Variants in CDKAL1 observed in about 807,000 individuals in gnomAD.
The protein encoded by CDKAL1 is threonylcarbamoyladenosine tRNA methylthiotransferase.
Under a neutral mutation model 68.2 loss-of-function variants are expected in CDKAL1, and 32 were observed. The observed-to-expected ratio is 0.47, with a 90% CI of 0.35 to 0.63. The LOEUF is 0.63. CDKAL1 is among the 30% of genes least tolerant of loss of function. The pLI is 0.00. For synonymous variants in CDKAL1, 234 were observed against 244.3 expected (o/e 0.96, Z 0.39); for missense variants, 606 against 696.7 (o/e 0.87, Z 1.47).
In CDKAL1 at chr6:21,097,390, C is replaced by T. The variant is rs187072732; in HGVS notation, c.1237-11011C>T. ...GAGGCTGACAGGAGAATTGCTTGAA[C>T]CTGGGAGGCAGAGGTTGCAGTGAGC... On this transcript the variant is annotated intron_variant, in intron 12 of 15. Transcript: ENST00000274695. Among the ~76,000 whole-genome samples, 264 of 152,226 alleles carry T rather than the reference C, an allele frequency of 1.7e-3. 1 individual carries two copies. The highest frequency in any genetic ancestry group is 0.017 in the Middle Eastern group (5 of 294).
intron 13 of CDKAL1, among the ~76,000 whole-genome samples, chr6:21,165,514 C>G (rs1373286788): frequency 6.6e-6 from 1 of 152,144 alleles, no homozygotes; most frequent in Non-Finnish European, 1.5e-5. Flanking sequence ...TTATAATTAT[C>G]CATCTCCTTC....
intron 12 of CDKAL1, among the ~76,000 whole-genome samples, chr6:21,088,502 T>C (rs1772822213): frequency 6.6e-6 from 1 of 152,206 alleles, no homozygotes; most frequent in South Asian, 2.1e-4. Flanking sequence ...TCAACCAACT[T>C]AATAAAGAAC....
At chr6:21,118,909 T>G (rs1774562406) in intron 13 of CDKAL1, among the ~76,000 whole-genome samples, 1 of 152,258 alleles carries the variant, frequency 6.6e-6, no homozygotes, top group Non-Finnish European at 1.5e-5. Flanking sequence ...ATAATCCAGC[T>G]ACAATGCTTA....
chr6:21,008,759 A>T (rs1767862757), intron 11 of CDKAL1, among the ~76,000 whole-genome samples: 1 of 152,156 alleles, frequency 6.6e-6, no homozygotes, highest in Non-Finnish European at 1.5e-5. Context: ...AAGGGACTCA[A>T]GAGTAAGAAG....
intron 11 of CDKAL1, among the ~76,000 whole-genome samples, chr6:21,026,708 T>C (rs1051157657): frequency 6.6e-6 from 1 of 152,228 alleles, no homozygotes; most frequent in Admixed American, 6.5e-5. Flanking sequence ...TTGTAGAGTG[T>C]AATGGAGACT....
chr6:20,791,912 C>T (rs746346587), intron 8 of CDKAL1, among the ~76,000 whole-genome samples: 1 of 151,412 alleles, frequency 6.6e-6, no homozygotes, highest in Non-Finnish European at 1.5e-5. Flanking sequence ...TTGGATGTAT[C>T]CAAAGAGCCA....
chr6:21,003,490 C>T (rs1767566100), intron 11 of CDKAL1, among the ~76,000 whole-genome samples: 1 of 149,494 alleles, frequency 6.7e-6, no homozygotes, highest in African/African-American at 2.5e-5. Context: ...CACTTGAACT[C>T]GGGAGGCAAA....
intron 9 of CDKAL1, among the ~76,000 whole-genome samples, chr6:20,955,045 A>G (rs531768539): frequency 3.3e-5 from 5 of 152,252 alleles, no homozygotes; most frequent in African/African-American, 1.2e-4. Context: ...GATGGTGCCT[A>G]TTCTGTGGAG....
chr6:20,853,456 A>G (rs1460809583), intron 9 of CDKAL1, among the ~76,000 whole-genome samples: 1 of 152,116 alleles, frequency 6.6e-6, no homozygotes, highest in East Asian at 1.9e-4. Flanking sequence ...TCCATGGTCA[A>G]TTCTGGGGGA....
intron 10 of CDKAL1, among the ~76,000 whole-genome samples, chr6:20,968,534 T>G (rs1449861183): frequency 6.6e-6 from 1 of 152,074 alleles, no homozygotes; most frequent in Non-Finnish European, 1.5e-5. Context: ...CTTTCTTTCC[T>G]TTCCTAGAAC....
intron 8 of CDKAL1, among the ~76,000 whole-genome samples, chr6:20,802,230 G>A (rs1168397326): frequency 2.6e-5 from 4 of 151,626 alleles, no homozygotes; most frequent in Non-Finnish European, 5.9e-5. Flanking sequence ...CCCAGGAGGC[G>A]GAGGTTCCAG....
intron 5 of CDKAL1, among the ~76,000 whole-genome samples, chr6:20,728,765 C>A (rs1772770025): frequency 1.3e-5 from 2 of 152,148 alleles, no homozygotes; most frequent in Non-Finnish European, 2.9e-5. Context: ...AGTCACCTTA[C>A]CAAGTCACTT....
At chr6:21,139,565 C>T (rs932969971) in intron 13 of CDKAL1, among the ~76,000 whole-genome samples, 1 of 152,064 alleles carries the variant, frequency 6.6e-6, no homozygotes, top group East Asian at 1.9e-4. Flanking sequence ...GGCTGGAGTG[C>T]AGTAGTGTGA....
chr6:20,840,079 A>T (rs1297583162), intron 8 of CDKAL1, among the ~76,000 whole-genome samples: 2 of 152,200 alleles, frequency 1.3e-5, no homozygotes, highest in Non-Finnish European at 2.9e-5. Context: ...TTCAAATGCA[A>T]TTGGAAGGAT....
chr6:20,882,561 T>A (rs1225957426), intron 9 of CDKAL1, among the ~76,000 whole-genome samples: 1 of 152,210 alleles, frequency 6.6e-6, no homozygotes, highest in Non-Finnish European at 1.5e-5. Context: ...TACAAGCTCT[T>A]TTAGTCTGGC....
chr6:21,020,774 C>CTTT (rs60084439), intron 11 of CDKAL1, among the ~76,000 whole-genome samples: 6 of 132,828 alleles, frequency 4.5e-5, no homozygotes, highest in African/African-American at 5.6e-5. Context: ...GCCTTTTTTC[C>CTTT]TTTTTTTTTT....
At chr6:20,919,137 C>G (rs1379939524) in intron 9 of CDKAL1, among the ~76,000 whole-genome samples, 2 of 152,122 alleles carry the variant, frequency 1.3e-5, no homozygotes, top group East Asian at 1.9e-4. Flanking sequence ...GGATGTGACT[C>G]AAGTCAGGAT....
rs17662372 is a variant in CDKAL1 at position 21,040,146 on chromosome 6, G to A, written c.1056-24902G>A. Among the ~76,000 whole-genome samples the A allele has an allele frequency of 3.7e-3, 560 of 152,218 alleles. 3 individuals carry two copies. Among genetic ancestry groups the A allele is most frequent in the South Asian group, 8.1e-3 (39 of 4,826 alleles). ...CTGAATTTATGCATGTGGATAGACG[G>A]AGATGTAATTTAAACACATCTGTTC... On this transcript the variant is annotated intron_variant, in intron 11 of 15. Coordinates refer to ENST00000274695, the MANE Select transcript of CDKAL1 (RefSeq NM_017774.3).
chr6:20,992,038 T>TCC (rs1766847465), intron 10 of CDKAL1, among the ~76,000 whole-genome samples: 2 of 129,640 alleles, frequency 1.5e-5, no homozygotes, highest in African/African-American at 2.8e-5. Context: ...TTTCTTTTTT[T>TCC]TTTTTTTTTT....
Sources: gnomAD v4.1 joint callset for allele counts (sites outside exome capture counted in the v4.1 genomes callset) on GRCh38, gnomAD v4.1.1 for gene constraint, MANE v1.5 for transcripts, NCBI Gene and HGNC (gene_info 2026-07-23, HGNC 2026-07-21) for gene names.